BRIP1: variants seen among roughly 807,000 people sequenced by gnomAD.
BRIP1 encodes Fanconi anemia group J protein.
BRIP1 carries 88 observed loss-of-function variants against 119.7 expected under a neutral mutation model. The observed-to-expected ratio is 0.74, with a 90% confidence interval of 0.62 to 0.88. The LOEUF (loss-of-function observed/expected upper bound fraction) is 0.88, where lower values mean the gene tolerates loss of function less well. Among genes scored for constraint, BRIP1 ranks in the 40% least tolerant of loss-of-function variants. The probability of loss-of-function intolerance (pLI) is 0.00; values close to 1 mark genes in which losing one functional copy is unlikely to be tolerated. For missense variants in BRIP1, 1,259 were observed against 1,455.4 expected (o/e 0.87, Z 2.20); for synonymous variants, 443 against 496.5 (o/e 0.89, Z 1.43).
At chr17:61,791,161 C>A (rs908840113) in intron 10 of BRIP1, among the ~76,000 whole-genome samples, 69 of 152,016 alleles carry the variant, frequency 4.5e-4, no homozygotes, top group African/African-American at 1.7e-3. Flanking sequence ...GTTCAAAAAC[C>A]TCTTTGAGAA....
intron 11 of BRIP1, among the ~76,000 whole-genome samples, chr17:61,782,012 T>G (rs576047425): frequency 1.3e-5 from 2 of 151,922 alleles, no homozygotes; most frequent in Admixed American, 6.6e-5. Flanking sequence ...AGATTAGATC[T>G]CAAAATTAAA....
At chr17:61,777,190 T>G (rs1603329717) in intron 13 of BRIP1, among the ~76,000 whole-genome samples, 1 of 152,234 alleles carries the variant, frequency 6.6e-6, no homozygotes, top group Non-Finnish European at 1.5e-5. Flanking sequence ...TTTCCAACTT[T>G]TCTGAAATTT....
chr17:61,695,070 T>C lies in BRIP1; in HGVS notation c.2493-1558A>G, dbSNP rs147096992. ...TTTCTTTGGTTGCTTGTGCTTCTGATAGCAGATCTAAGAAACTATTGCCTA... is the reference window on the plus strand; with the variant it reads ...TTTCTTTGGTTGCTTGTGCTTCTGACAGCAGATCTAAGAAACTATTGCCTA... On this transcript the variant is annotated intron_variant, in intron 17 of 19. Coordinates refer to ENST00000259008, the MANE Select transcript of BRIP1 (RefSeq NM_032043.3). The surrounding 1 kb of genome is among the most constrained non-coding windows in gnomAD (Gnocchi z 4.3). 9.4e-4 allele frequency among the ~76,000 whole-genome samples: 143 copies of C among 152,210 alleles called. 1 individual carries two copies. Among genetic ancestry groups the C allele is most frequent in the African/African-American group, 3.3e-3 (137 of 41,566 alleles).
intron 6 of BRIP1, among the ~76,000 whole-genome samples, chr17:61,821,497 T>TTTTTTTCTTGTA (rs1168666559): frequency 6.6e-6 from 1 of 151,868 alleles, no homozygotes; most frequent in Non-Finnish European, 1.5e-5. Flanking sequence ...TTCATTCTCT[T>TTTTTTTCTTGTA]TTTTTTTCTT....
At position 61,853,436 on chromosome 17, in the gene BRIP1, T is replaced by C. The variant is rs2078851269; in HGVS notation, c.379+3622A>G. 2.0e-5 allele frequency among the ~76,000 whole-genome samples: 3 copies of C among 152,100 alleles called. No individual in the cohort carries two copies. Among genetic ancestry groups the C allele is most frequent in the African/African-American group, 2.4e-5 (1 of 41,408 alleles). ...GTTATGACAGTGAAAATTCATCAAGTTATATACTTAGGATTTGCATTTTTC... is the reference window on the plus strand; with the variant it reads ...GTTATGACAGTGAAAATTCATCAAGCTATATACTTAGGATTTGCATTTTTC... On this transcript the variant is annotated intron_variant, in intron 4 of 19. Transcript: ENST00000259008. This position sits in a 1 kb window ranked among gnomAD's most constrained non-coding sequence, Gnocchi z 4.3.
chr17:61,800,341 T>C (rs1367966050), intron 8 of BRIP1, among the ~76,000 whole-genome samples: 1 of 151,950 alleles, frequency 6.6e-6, no homozygotes, highest in African/African-American at 2.4e-5. Context: ...AGGAAATATA[T>C]TGGGGTTTAA....
At chr17:61,765,050 C>G (rs2077331236) in intron 14 of BRIP1, among the ~76,000 whole-genome samples, 1 of 151,672 alleles carries the variant, frequency 6.6e-6, no homozygotes, top group South Asian at 2.1e-4. Flanking sequence ...GCCCTTTCAC[C>G]TTTCACCTCG....
At chr17:61,833,839 G>A (rs75723845) in intron 6 of BRIP1, among the ~76,000 whole-genome samples, 23,003 of 151,986 alleles carry the variant, frequency 0.15, 2,213 homozygotes, top group East Asian at 0.56. Flanking sequence ...AGTATAGAAC[G>A]GGCTGGCAAA....
Position 61,715,999 on chromosome 17 carries a change from T to C in BRIP1, c.2444A>G (p.Gln815Arg), listed in dbSNP as rs1282067719. 2.5e-6 allele frequency: 4 copies of C among 1,609,326 alleles called. No individual in the cohort carries two copies. Among genetic ancestry groups the C allele is most frequent in the Admixed American group, 1.7e-5 (1 of 59,828 alleles). ...CCTGTATGCTTGAATTTCATACCACTGACGGCCAGGTAGAAGACCTCTCAA... is the reference window on the plus strand; with the variant it reads ...CCTGTATGCTTGAATTTCATACCACCGACGGCCAGGTAGAAGACCTCTCAA... ...SKLRGLLPGR[Q>R]WYEIQAYRAL... is the part of the protein sequence containing the mutation. The change falls in exon 17 of 20, where the codon CAG (glutamine) becomes CGG (arginine). Residue 815 changes from glutamine (Q) to arginine (R), a missense_variant. Physicochemically the swap from Gln to Arg is conservative, Grantham distance 43. Around this residue, in one of 3 missense-constraint regions of BRIP1, gnomAD observed 753 missense variants for 891.8 expected, o/e 0.84. Transcript: ENST00000259008.
In BRIP1 at chr17:61,770,714, A is replaced by C. The variant is rs1009055957; in HGVS notation, c.2097+5687T>G. On this transcript the variant is annotated intron_variant, in intron 14 of 19. Transcript: ENST00000259008. This position sits in a 1 kb window ranked among gnomAD's most constrained non-coding sequence, Gnocchi z 4.7. ...ATCCAAACTACATAAGATGTTAAAT[A>C]TAATTCCTAGGACAACCACTAAGAA... Among the ~76,000 whole-genome samples, 2 of 152,194 alleles carry C rather than the reference A, an allele frequency of 1.3e-5. No individual in the cohort carries two copies. Among genetic ancestry groups the C allele is most frequent in the East Asian group, 3.8e-4 (2 of 5,202 alleles).
Position 61,710,823 on chromosome 17 carries a change from C to G in BRIP1, c.2492+5128G>C, listed in dbSNP as rs1309429587. Among the ~76,000 whole-genome samples the G allele has an allele frequency of 1.3e-5, 2 of 151,926 alleles. No homozygotes were observed. The highest frequency in any genetic ancestry group is 6.6e-5 in the Admixed American group (1 of 15,236). The stretch of plus-strand genomic sequence containing the variant: ...ATTCAGGCTGAGGCAGGTGGATCAT[C>G]TGAGGTCAGGAGTTTGAGACCAGCC... On this transcript the variant is annotated intron_variant, in intron 17 of 19. Transcript: ENST00000259008. The surrounding 1 kb of genome is among the most constrained non-coding windows in gnomAD (Gnocchi z 5.4).
At chr17:61,785,931 G>A (rs564871484) in intron 10 of BRIP1, among the ~76,000 whole-genome samples, 1 of 151,784 alleles carries the variant, frequency 6.6e-6, no homozygotes, top group Admixed American at 6.6e-5. Context: ...GCTGGGTTGG[G>A]GGGGGTAGAA....
In BRIP1 at chr17:61,689,189, A is replaced by G. The variant is rs1418770982; in HGVS notation, c.2576-3024T>C. ...CTCTCAAGTAGCTGGGACTACAGGC[A>G]TGTACCACCACACCCGGCTAATTGT... is the stretch of plus-strand genomic sequence containing the variant. On this transcript the variant is annotated intron_variant, in intron 18 of 19. Transcript: ENST00000259008. This position sits in a 1 kb window ranked among gnomAD's most constrained non-coding sequence, Gnocchi z 4.5. 2.0e-5 allele frequency among the ~76,000 whole-genome samples: 3 copies of G among 151,908 alleles called. No individual in the cohort carries two copies. Among genetic ancestry groups the G allele is most frequent in the Admixed American group, 2.0e-4 (3 of 15,228 alleles).
At chr17:61,783,360 A>G (rs968938154) in intron 11 of BRIP1, among the ~76,000 whole-genome samples, 1 of 152,212 alleles carries the variant, frequency 6.6e-6, no homozygotes, top group Non-Finnish European at 1.5e-5. Flanking sequence ...ACTTCATAAG[A>G]TGAAAATAGA....
In BRIP1 at chr17:61,795,508, G is replaced by A. The variant is rs748595445; in HGVS notation, c.1341-1779C>T. ...AAATAAGTGAGAATATGTGATATTTGTCTTTTTGTGCCTGGCTTATTTCAC... is the reference window on the plus strand; with the variant it reads ...AAATAAGTGAGAATATGTGATATTTATCTTTTTGTGCCTGGCTTATTTCAC... On this transcript the variant is annotated intron_variant, in intron 9 of 19. Coordinates refer to ENST00000259008, the MANE Select transcript of BRIP1 (RefSeq NM_032043.3). This position sits in a 1 kb window ranked among gnomAD's most constrained non-coding sequence, Gnocchi z 5.6. Among the ~76,000 whole-genome samples, 11 of 151,974 alleles carry A rather than the reference G, an allele frequency of 7.2e-5. No individual in the cohort carries two copies. The highest frequency in any genetic ancestry group is 1.2e-4 in the Non-Finnish European group (8 of 67,960).
At chr17:61,847,352 A>C in intron 5 of BRIP1, 132 bp from the exon 6 acceptor site, 2 of 980,272 alleles carry the variant, frequency 2.0e-6, no homozygotes, top group Non-Finnish European at 3.1e-6. Flanking sequence ...ACAGGCAATA[A>C]TAAAAGAAAT....
At position 61,705,570 on chromosome 17, in the gene BRIP1, A is replaced by G. The variant is rs1266447261; in HGVS notation, c.2492+10381T>C. Among the ~76,000 whole-genome samples the G allele has an allele frequency of 6.6e-6, 1 of 151,862 alleles. No homozygotes were observed. Among genetic ancestry groups the G allele is most frequent in the Non-Finnish European group, 1.5e-5 (1 of 67,924 alleles). Reference sequence around the variant, plus strand: ...AATTCATCAATTTATACTTGTTTTTATTACTCCTTTTTTTCCTGTTTGCCT... The same window carrying G: ...AATTCATCAATTTATACTTGTTTTTGTTACTCCTTTTTTTCCTGTTTGCCT... On this transcript the variant is annotated intron_variant, in intron 17 of 19. Transcript: ENST00000259008. The surrounding 1 kb of genome is among the most constrained non-coding windows in gnomAD (Gnocchi z 5.0).
chr17:61,721,730 C>T (rs1411389885), intron 16 of BRIP1, among the ~76,000 whole-genome samples: 1 of 122,098 alleles, frequency 8.2e-6, no homozygotes, highest in East Asian at 2.4e-4. Context: ...CAGAGTACCG[C>T]TCAGTCACCC....
At position 61,740,036 on chromosome 17, in the gene BRIP1, A is replaced by G. The variant is rs2144649688; in HGVS notation, c.2379+2977T>C. On this transcript the variant is annotated intron_variant, in intron 16 of 19. Transcript: ENST00000259008. The surrounding 1 kb of genome is among the most constrained non-coding windows in gnomAD (Gnocchi z 5.4). The stretch of plus-strand genomic sequence containing the variant: ...ATTGTTTTCAGGTAGTAGACACCAA[A>G]CAGCACAAGACAGTAATTCTGGAGC... 6.6e-6 allele frequency among the ~76,000 whole-genome samples: 1 copy of G among 152,250 alleles called. No homozygotes were observed. Among genetic ancestry groups the G allele is most frequent in the African/African-American group, 2.4e-5 (1 of 41,560 alleles).
Sources: gnomAD v4.1 joint callset for allele counts (sites outside exome capture counted in the v4.1 genomes callset) on GRCh38, gnomAD v4.1.1 for gene constraint, gnomAD v4.1.1 regional missense constraint, Gnocchi (gnomAD v3.1) non-coding constraint, MANE v1.5 for transcripts, NCBI Gene and HGNC (gene_info 2026-07-23, HGNC 2026-07-21) for gene names.